The following KLHL1 variants were observed in gnomAD, a reference collection of about 807,000 sequenced individuals.
KLHL1 encodes the protein kelch like family member 1.
A neutral mutation model predicts 77.7 loss-of-function variants in KLHL1; 47 were observed. The ratio of observed to expected loss-of-function variants is 0.60; its 90% confidence interval spans 0.48 to 0.77. The LOEUF (loss-of-function observed/expected upper bound fraction) is 0.77, where lower values mean the gene tolerates loss of function less well. Among genes scored for constraint, KLHL1 ranks in the 30% least tolerant of loss-of-function variants. The pLI, the probability that KLHL1 is intolerant of heterozygous loss-of-function variation, is 0.00. For missense variants in KLHL1, 925 were observed against 910.8 expected, an observed-to-expected ratio of 1.02 and a Z score of -0.20; for synonymous variants, 360 against 325.2, an observed-to-expected ratio of 1.11 and a Z score of -1.15.
At chr13:69,752,713 T>G (rs76235633) in intron 7 of KLHL1, among the ~76,000 whole-genome samples, 1,705 of 152,192 alleles carry the variant, frequency 0.011, 28 homozygotes, top group African/African-American at 0.038. Context: ...GTTTAAAGGT[T>G]GGGTAGAATT....
chr13:69,855,432 A>G (rs1879870715), intron 5 of KLHL1, among the ~76,000 whole-genome samples: 1 of 152,054 alleles, frequency 6.6e-6, no homozygotes, highest in Non-Finnish European at 1.5e-5. Context: ...AGACAGAGAT[A>G]GAGATATGAT....
chr13:69,938,414 T>G (rs924588660), intron 4 of KLHL1, among the ~76,000 whole-genome samples: 2 of 152,142 alleles, frequency 1.3e-5, no homozygotes, highest in Admixed American at 6.6e-5. Flanking sequence ...TATTTTCCTA[T>G]GAAGCATACC....
chr13:70,095,794 T>C (rs1048498999), intron 1 of KLHL1, among the ~76,000 whole-genome samples: 8 of 152,070 alleles, frequency 5.3e-5, no homozygotes, highest in African/African-American at 1.9e-4. Flanking sequence ...TATCTAACTG[T>C]ATTTTTGTAT....
chr13:70,002,112 G>C (rs909052782), intron 1 of KLHL1, among the ~76,000 whole-genome samples: 1 of 151,458 alleles, frequency 6.6e-6, no homozygotes, highest in Non-Finnish European at 1.5e-5. Flanking sequence ...CTCTTTATAA[G>C]ATATCAACAT....
chr13:69,701,574 C>G lies in KLHL1; in HGVS notation c.*128G>C, dbSNP rs922709769. The stretch of plus-strand genomic sequence containing the variant: ...TTTGATCTACTAACTCTTTCAACAT[C>G]AGTAGGTAACGCTACAGAGATCCTT... On this transcript the variant is annotated 3_prime_UTR_variant, in exon 11 of 11. Transcript: ENST00000377844. The G allele has an allele frequency of 9.2e-6, 6 of 653,866 alleles. No homozygotes were observed. Among genetic ancestry groups the G allele is most frequent in the Non-Finnish European group, 1.6e-5 (6 of 369,598 alleles). 40.5% of individuals were successfully genotyped at this position (653,866 alleles called of 1,614,324 possible).
intron 1 of KLHL1, among the ~76,000 whole-genome samples, chr13:69,991,737 G>A (rs1286522206): frequency 6.6e-6 from 1 of 151,600 alleles, no homozygotes; most frequent in East Asian, 1.9e-4. Context: ...AGTGCAAAGA[G>A]GAGCATTCCT....
At chr13:69,754,685 T>C (rs1874631835) in intron 7 of KLHL1, among the ~76,000 whole-genome samples, 1 of 152,180 alleles carries the variant, frequency 6.6e-6, no homozygotes, top group African/African-American at 2.4e-5. Flanking sequence ...ACAAATGCCA[T>C]CAGGCACCTT....
At chr13:69,850,609 A>C (rs556093137) in intron 5 of KLHL1, among the ~76,000 whole-genome samples, 1 of 151,792 alleles carries the variant, frequency 6.6e-6, no homozygotes, top group East Asian at 1.9e-4. Flanking sequence ...ACACTTTTCC[A>C]AATTTTTGAG....
chr13:69,907,141 T>C (rs879678738), intron 4 of KLHL1, among the ~76,000 whole-genome samples: 12 of 152,072 alleles, frequency 7.9e-5, no homozygotes, highest in Non-Finnish European at 1.3e-4. Context: ...GATAGGTTGG[T>C]AACATAGGTT....
Position 69,901,787 on chromosome 13 carries a change from C to CTTTTTTTTTTTTTTTTTTT in KLHL1, c.1015-19293_1015-19292insAAAAAAAAAAAAAAAAAAA, listed in dbSNP as rs1237100844. Reference sequence around the variant, plus strand: ...TGAGTTTTTCATTTTCTTTCTTTTTCTTTTTTTCTTTTTTTTTTTTTTTTT... The same window carrying CTTTTTTTTTTTTTTTTTTT: ...TGAGTTTTTCATTTTCTTTCTTTTTCTTTTTTTTTTTTTTTTTTTTTTTTTTCTTTTTTTTTTTTTTTTT... On this transcript the variant is annotated intron_variant, in intron 4 of 10. Coordinates refer to ENST00000377844, the MANE Select transcript of KLHL1 (RefSeq NM_020866.3). Among the ~76,000 whole-genome samples, 2 of 80,146 alleles carry CTTTTTTTTTTTTTTTTTTT rather than the reference C, an allele frequency of 2.5e-5. 1 individual carries two copies. The highest frequency in any genetic ancestry group is 4.9e-5 in the Non-Finnish European group (2 of 40,736). The allele number at this position is 80,146 out of a possible 152,430, so 52.6% of individuals were successfully genotyped here. A position where few individuals can be genotyped will look rare whatever the true frequency, so the allele number is the denominator to read the frequency against.
chr13:69,705,665 C>T (rs1054526116), intron 10 of KLHL1, among the ~76,000 whole-genome samples: 6 of 151,556 alleles, frequency 4.0e-5, no homozygotes, highest in African/African-American at 1.5e-4. Flanking sequence ...GATACAGAAG[C>T]AAAATCTTAA....
In KLHL1 at chr13:69,701,547, T is replaced by C. The variant is rs565050556; in HGVS notation, c.*155A>G. The stretch of plus-strand genomic sequence containing the variant: ...AATGTTTTCTTGTTTCCTACTATTC[T>C]GTTTGATCTACTAACTCTTTCAACA... On this transcript the variant is annotated 3_prime_UTR_variant, in exon 11 of 11. Coordinates refer to ENST00000377844, the MANE Select transcript of KLHL1 (RefSeq NM_020866.3). The C allele has an allele frequency of 1.7e-6, 1 of 598,722 alleles. No homozygotes were observed. The highest frequency in any genetic ancestry group is 3.1e-5 in the East Asian group (1 of 32,460). The allele number at this position is 598,722 out of a possible 1,614,324, so 37.1% of individuals were successfully genotyped here.
chr13:69,722,590 A>G (rs1188784782), intron 8 of KLHL1, among the ~76,000 whole-genome samples: 1 of 152,070 alleles, frequency 6.6e-6, no homozygotes, highest in Admixed American at 6.6e-5. Flanking sequence ...GCAAATCATA[A>G]CCACAATGAG....
chr13:69,857,713 TTAAC>T (rs938429186), intron 5 of KLHL1, among the ~76,000 whole-genome samples: 37 of 152,142 alleles, frequency 2.4e-4, no homozygotes, highest in Middle Eastern at 3.4e-3. Context: ...GGTAAATCAT[TTAAC>T]TAACTATGCA....
At chr13:69,837,347 T>C (rs572147161) in intron 6 of KLHL1, among the ~76,000 whole-genome samples, 5 of 151,702 alleles carry the variant, frequency 3.3e-5, no homozygotes, top group African/African-American at 1.2e-4. Flanking sequence ...CTGTGACATT[T>C]CTGTGTGAAT....
intron 4 of KLHL1, among the ~76,000 whole-genome samples, chr13:69,914,331 T>A (rs981942665): frequency 6.6e-6 from 1 of 152,216 alleles, no homozygotes; most frequent in African/African-American, 2.4e-5. Flanking sequence ...TTATGGTATA[T>A]AACTTAATAA....
chr13:69,931,486 G>C (rs1475978911), intron 4 of KLHL1, among the ~76,000 whole-genome samples: 1 of 151,722 alleles, frequency 6.6e-6, no homozygotes, highest in Admixed American at 6.6e-5. Flanking sequence ...GTCTGGCTTT[G>C]AATCCCGTTC....
intron 8 of KLHL1, among the ~76,000 whole-genome samples, chr13:69,726,788 T>C (rs890178662): frequency 2.0e-5 from 3 of 152,180 alleles, no homozygotes; most frequent in Non-Finnish European, 4.4e-5. Flanking sequence ...TCTACGCGTT[T>C]TATAATCCTG....
intron 4 of KLHL1, among the ~76,000 whole-genome samples, chr13:69,906,474 T>C (rs979275251): frequency 6.6e-6 from 1 of 152,002 alleles, no homozygotes; most frequent in Non-Finnish European, 1.5e-5. Context: ...TACAAATTAA[T>C]ATTAAAATTG....
Sources: gnomAD v4.1 joint callset for allele counts (sites outside exome capture counted in the v4.1 genomes callset) on GRCh38, gnomAD v4.1.1 for gene constraint, MANE v1.5 for transcripts, NCBI Gene and HGNC (gene_info 2026-07-23, HGNC 2026-07-21) for gene names.